PALM2AKAP2: variants seen among roughly 807,000 people sequenced by gnomAD.
The protein encoded by PALM2AKAP2 is PALM2-AKAP2 fusion protein.
PALM2AKAP2 carries 37 observed loss-of-function variants against 71.5 expected under a neutral mutation model. That is an observed-to-expected ratio of 0.52 (90% CI 0.40 to 0.68). The LOEUF (loss-of-function observed/expected upper bound fraction) is 0.68. Among genes scored for constraint, PALM2AKAP2 ranks in the 30% least tolerant of loss-of-function variants. PALM2AKAP2 has a pLI of 0.00. For synonymous variants in PALM2AKAP2, 468 were observed against 478.8 expected (o/e 0.98, Z 0.29); for missense variants, 1,224 against 1,191.8 (o/e 1.03, Z -0.40).
intron 1 of PALM2AKAP2, among the ~76,000 whole-genome samples, chr9:110,120,904 C>T (rs1835472582): frequency 6.6e-6 from 1 of 151,924 alleles, no homozygotes; most frequent in Non-Finnish European, 1.5e-5. Context: ...GAGTTGACAA[C>T]TATTTTTTTT....
intron 7 of PALM2AKAP2, among the ~76,000 whole-genome samples, chr9:110,043,271 C>T (rs1249256830): frequency 1.3e-5 from 2 of 152,180 alleles, no homozygotes; most frequent in African/African-American, 4.8e-5. Flanking sequence ...CACAACATAA[C>T]ACTCAAACAA....
At chr9:109,793,296 C>T (rs1015326201) in intron 1 of PALM2AKAP2, among the ~76,000 whole-genome samples, 1 of 152,184 alleles carries the variant, frequency 6.6e-6, no homozygotes, top group African/African-American at 2.4e-5. Context: ...TACCCTTTTT[C>T]TCTGGCCTGA....
chr9:110,003,319 A>C (rs1038795750), intron 6 of PALM2AKAP2, among the ~76,000 whole-genome samples: 1 of 152,076 alleles, frequency 6.6e-6, no homozygotes, highest in East Asian at 1.9e-4. Flanking sequence ...CAGGTTGTTC[A>C]GTTTCCATGT....
intron 1 of PALM2AKAP2, among the ~76,000 whole-genome samples, chr9:110,049,758 T>C (rs992483910): frequency 9.2e-5 from 14 of 151,930 alleles, no homozygotes; most frequent in African/African-American, 2.7e-4. Context: ...ACGGAGTGGA[T>C]AGGAGGGGAG....
intron 1 of PALM2AKAP2, among the ~76,000 whole-genome samples, chr9:109,745,487 A>AGTGTGTGTGTGTGT (rs199950779): frequency 1.6e-4 from 23 of 146,976 alleles, no homozygotes; most frequent in South Asian, 6.6e-4. Context: ...AGTGGCTGTC[A>AGTGTGTGTGTGTGT]GTGTGTGTGT....
intron 1 of PALM2AKAP2, among the ~76,000 whole-genome samples, chr9:109,817,927 T>C (rs1827892339): frequency 6.6e-6 from 1 of 152,200 alleles, no homozygotes; most frequent in Admixed American, 6.5e-5. Context: ...TTTTGTGATA[T>C]GCAGCAAGGT....
chr9:110,088,703 G>GTTTTGTT lies in PALM2AKAP2; in HGVS notation c.156+39852_156+39853insGTTTTTT, dbSNP rs1834628901. Among the ~76,000 whole-genome samples, 153 of 75,632 alleles carry GTTTTGTT rather than the reference G, an allele frequency of 2.0e-3. 9 individuals carry two copies. The highest frequency in any genetic ancestry group is 3.3e-3 in the Non-Finnish European group (118 of 36,294). The allele number at this position is 75,632 out of a possible 152,430, so 49.6% of individuals were successfully genotyped here. On this transcript the variant is annotated intron_variant, in intron 1 of 3. Coordinates refer to ENST00000374525, the Ensembl canonical transcript of PALM2AKAP2. The stretch of plus-strand genomic sequence containing the variant: ...TAGCTATTAAAGTTTGCATTTACGT[G>GTTTTGTT]TTTTTTTTTTTTTTTTTTTTTTTTT...
chr9:110,029,689 T>A (rs1167575871), intron 7 of PALM2AKAP2, among the ~76,000 whole-genome samples: 3 of 152,220 alleles, frequency 2.0e-5, no homozygotes, highest in South Asian at 2.1e-4. Context: ...CCAAAGTCTA[T>A]GACTTGTGAA....
At chr9:109,781,527 T>A (rs1401472908) in intron 1 of PALM2AKAP2, among the ~76,000 whole-genome samples, 3 of 152,248 alleles carry the variant, frequency 2.0e-5, no homozygotes, top group Admixed American at 2.0e-4. Flanking sequence ...GGAGAAATAG[T>A]GTGTAATGTT....
intron 3 of PALM2AKAP2, 135 bp downstream of exon 3, chr9:109,880,816 T>A: frequency 7.6e-7 from 1 of 1,315,428 alleles, no homozygotes; most frequent in Non-Finnish European, 9.9e-7. Flanking sequence ...CAAAGCACAT[T>A]GATGTTGTTT....
At chr9:110,167,598 T>A (rs1263473174) in intron 3 of PALM2AKAP2, among the ~76,000 whole-genome samples, 1 of 152,242 alleles carries the variant, frequency 6.6e-6, no homozygotes, top group Non-Finnish European at 1.5e-5. Context: ...TACTTGTCCT[T>A]AGTGTTGTCA....
At chr9:110,014,807 T>TAA (rs1832949031) in intron 6 of PALM2AKAP2, among the ~76,000 whole-genome samples, 1 of 3,174 alleles carries the variant, frequency 3.2e-4, no homozygotes, top group African/African-American at 5.7e-4. Context: ...AAAAAAAATG[T>TAA]ATATATATAT....
At chr9:110,035,784 TATAGG>T (rs1295103142) in intron 7 of PALM2AKAP2, among the ~76,000 whole-genome samples, 1 of 128,886 alleles carries the variant, frequency 7.8e-6, no homozygotes, top group African/African-American at 3.2e-5. Flanking sequence ...ATGTAACATA[TATAGG>T]ATATGTTGTG....
intron 3 of PALM2AKAP2, among the ~76,000 whole-genome samples, chr9:109,894,164 C>A (rs750738850): frequency 2.0e-5 from 3 of 152,082 alleles, no homozygotes; most frequent in African/African-American, 4.8e-5. Context: ...TGATGAAACC[C>A]CGTCTCTACT....
At chr9:109,927,522 C>T (rs939505827) in intron 5 of PALM2AKAP2, among the ~76,000 whole-genome samples, 1 of 152,076 alleles carries the variant, frequency 6.6e-6, no homozygotes, top group South Asian at 2.1e-4. Flanking sequence ...CAAAAGCATC[C>T]CAACTCGTGA....
intron 1 of PALM2AKAP2, among the ~76,000 whole-genome samples, chr9:109,825,261 G>A (rs1179306532): frequency 6.6e-6 from 1 of 152,168 alleles, no homozygotes; most frequent in Non-Finnish European, 1.5e-5. Flanking sequence ...AAAAACCCTA[G>A]AAGAAAACCT....
At chr9:110,057,463 C>CT (rs1431759993) in intron 1 of PALM2AKAP2, among the ~76,000 whole-genome samples, 8 of 150,380 alleles carry the variant, frequency 5.3e-5, no homozygotes, top group African/African-American at 2.0e-4. Context: ...ACTGCAACCT[C>CT]TGCCTCCCCG....
chr9:109,959,822 T>C (rs1230360331), intron 6 of PALM2AKAP2, among the ~76,000 whole-genome samples: 1 of 152,088 alleles, frequency 6.6e-6, no homozygotes, highest in Admixed American at 6.5e-5. Flanking sequence ...CCTCATTGAA[T>C]GTTGGAAGGA....
chr9:109,811,911 A>G (rs1361934640), intron 1 of PALM2AKAP2, among the ~76,000 whole-genome samples: 1 of 152,210 alleles, frequency 6.6e-6, no homozygotes, highest in Non-Finnish European at 1.5e-5. Context: ...GTATACCTGA[A>G]AGAAACCAAA....
Sources: allele counts gnomAD v4.1 joint callset (sites outside exome capture counted in the v4.1 genomes callset), GRCh38; gene constraint gnomAD v4.1.1; transcripts MANE v1.5; gene names NCBI Gene and HGNC (gene_info 2026-07-23, HGNC 2026-07-21).